The following CILK1 variants were observed in gnomAD, a reference collection of about 807,000 sequenced individuals.
The protein encoded by CILK1 is serine/threonine-protein kinase ICK.
Under a neutral mutation model 79.2 loss-of-function variants are expected in CILK1, and 47 were observed. That is an observed-to-expected ratio of 0.59 (90% CI 0.47 to 0.76). CILK1 has a LOEUF of 0.76. Ranked by LOEUF, CILK1 falls within the 30% of genes least tolerant of loss-of-function variation. The pLI, the probability that CILK1 is intolerant of heterozygous loss-of-function variation, is 0.00. For missense variants in CILK1, 660 were observed against 769.5 expected (o/e 0.86, Z 1.68); for synonymous variants, 266 against 275.9 (o/e 0.96, Z 0.36).
At chr6:53,057,837 CAT>C (rs1365898839) in intron 1 of CILK1, 1 of 152,088 alleles carries the variant, frequency 6.6e-6, no homozygotes, top group East Asian at 1.9e-4. Context: ...GAGTATAATA[CAT>C]GTTTTATAGC....
In CILK1 at chr6:53,012,167, A is replaced by C. The variant is rs767290561; in HGVS notation, c.1213T>G (p.Trp405Gly). 6.2e-7 allele frequency: 1 copy of C among 1,613,990 alleles called. No individual in the cohort carries two copies. Among genetic ancestry groups the C allele is most frequent in the South Asian group, 1.1e-5 (1 of 91,072 alleles). ...TTTGTTGACCTGGAAATAAGACCCC[A>C]CCTTCTCCTACTCTTTGGCTTTATC... ...GEIKPKSRRR[W>G]GLISRSTKDS... Residue 405 changes from tryptophan to glycine, a missense_variant, in exon 10 of 14, where the codon TGG becomes GGG. Physicochemically the swap from Trp to Gly is radical, Grantham distance 184. Coordinates refer to ENST00000676107, the MANE Select transcript of CILK1 (RefSeq NM_014920.5).
At chr6:53,014,175 C>T (rs769758610) in intron 8 of CILK1, among the ~76,000 whole-genome samples, 193 bp from the exon 9 acceptor site, 9 of 152,106 alleles carry the variant, frequency 5.9e-5, no homozygotes, top group Non-Finnish European at 1.2e-4. Context: ...GTAATGATTG[C>T]AACACAAAGT....
chr6:53,049,558 CAT>C (rs1385659055), intron 1 of CILK1, among the ~76,000 whole-genome samples: 2 of 152,206 alleles, frequency 1.3e-5, no homozygotes, highest in Admixed American at 1.3e-4. Flanking sequence ...GCAATCCAGT[CAT>C]GTGCCTGTAA....
intron 2 of CILK1, 133 bp downstream of exon 2, chr6:53,041,003 A>C: frequency 1.4e-6 from 1 of 732,532 alleles, no homozygotes; most frequent in African/African-American, 1.7e-5. Flanking sequence ...GTCAATAATC[A>C]TCTAACCCAC....
intron 2 of CILK1, among the ~76,000 whole-genome samples, chr6:53,040,302 G>A (rs937139822): frequency 1.3e-5 from 2 of 152,208 alleles, no homozygotes; most frequent in African/African-American, 4.8e-5. Context: ...ATTTACAAAA[G>A]CAAGATATGA....
At position 53,061,598 on chromosome 6, in the gene CILK1, G is replaced by A. The variant is rs556981314; in HGVS notation, c.-175C>T. On this transcript the variant is annotated splice_region_variant and 5_prime_UTR_variant, in exon 1 of 14. Coordinates refer to ENST00000676107, the MANE Select transcript of CILK1 (RefSeq NM_014920.5). ...CTAAATCCCGGAGCCCCACTTACTG[G>A]CGCCGCGAACGCAGGCGGGGGCCCG... 6.6e-6 allele frequency: 1 copy of A among 152,338 alleles called. No individual in the cohort carries two copies. Among genetic ancestry groups the A allele is most frequent in the African/African-American group, 2.4e-5 (1 of 41,474 alleles). The allele number at this position is 152,338 out of a possible 1,614,324, so 9.4% of individuals were successfully genotyped here.
chr6:53,056,525 A>C (rs1449966843), intron 1 of CILK1, among the ~76,000 whole-genome samples: 1 of 152,230 alleles, frequency 6.6e-6, no homozygotes, highest in African/African-American at 2.4e-5. Flanking sequence ...ATAGTTTGTC[A>C]AGCCCTGAAG....
chr6:53,037,907 C>G, intron 3 of CILK1, 32 bp downstream of exon 3: 1 of 1,230,218 alleles, frequency 8.1e-7, no homozygotes, highest in Non-Finnish European at 1.2e-6. Context: ...TTTAATCATC[C>G]ATAAATTATT....
rs763750695 is a variant in CILK1, at chr6:53,005,275, A to G, written c.1773T>C (p.Pro591=). 2 of 1,614,192 alleles carry G rather than the reference A, an allele frequency of 1.2e-6. No homozygotes were observed. The highest frequency in any genetic ancestry group is 1.7e-6 in the Non-Finnish European group (2 of 1,180,020). ...TGTGGAAGAATGGTCGCCCAGGATG[A>G]GGTCTCATGGCCTTCAGGGAGGAAT... ...PGYSSLKAMR[P]HPGRPFFHTQ... Residue 591 remains proline (P), a synonymous_variant, in exon 14 of 14, where the codon CCT becomes CCC. Coordinates refer to ENST00000676107, the MANE Select transcript of CILK1 (RefSeq NM_014920.5).
intron 2 of CILK1, among the ~76,000 whole-genome samples, chr6:53,038,908 A>G (rs1766524851): frequency 6.6e-6 from 1 of 152,242 alleles, no homozygotes; most frequent in African/African-American, 2.4e-5. Flanking sequence ...TTTCAAGGTT[A>G]TATTTTTCAG....
At chr6:53,024,714 G>A (rs1765460226) in intron 5 of CILK1, among the ~76,000 whole-genome samples, 1 of 152,032 alleles carries the variant, frequency 6.6e-6, no homozygotes, top group South Asian at 2.1e-4. Flanking sequence ...CCACAGATGG[G>A]AAAACTGAAT....
intron 1 of CILK1, among the ~76,000 whole-genome samples, chr6:53,056,318 C>G (rs970338929): frequency 6.6e-6 from 1 of 152,082 alleles, no homozygotes; most frequent in African/African-American, 2.4e-5. Context: ...TAAAATAGGG[C>G]AGGGATAAGC....
intron 5 of CILK1, among the ~76,000 whole-genome samples, chr6:53,023,420 A>G (rs2127426773): frequency 6.6e-6 from 1 of 152,310 alleles, no homozygotes; most frequent in East Asian, 1.9e-4. Context: ...TGAGCCAAGC[A>G]CCAGGGTCAA....
chr6:53,008,810 T>G (rs1285435073), intron 12 of CILK1, among the ~76,000 whole-genome samples: 1 of 152,150 alleles, frequency 6.6e-6, no homozygotes, highest in Admixed American at 6.5e-5. Flanking sequence ...TTCCTTAAAT[T>G]AAACAAACAC....
intron 1 of CILK1, among the ~76,000 whole-genome samples, chr6:53,053,607 T>G (rs570527428): frequency 6.6e-6 from 1 of 152,240 alleles, no homozygotes; most frequent in Non-Finnish European, 1.5e-5. Flanking sequence ...CCAGGCTGAC[T>G]GTACCAAACT....
At chr6:53,016,687 T>C (rs988371232) in intron 7 of CILK1, among the ~76,000 whole-genome samples, 3 of 152,226 alleles carry the variant, frequency 2.0e-5, no homozygotes, top group Non-Finnish European at 4.4e-5. Context: ...TTCAACTTGG[T>C]GATTGAAAGT....
At chr6:53,018,117 A>T (rs571823614) in intron 7 of CILK1, among the ~76,000 whole-genome samples, 1 of 152,320 alleles carries the variant, frequency 6.6e-6, no homozygotes, top group African/African-American at 2.4e-5. Flanking sequence ...AGAGGAAGGC[A>T]GAAGGAGCCA....
rs775331684 is a variant in CILK1, at chr6:53,009,427, A to T, written c.1621+12T>A. Reference sequence around the variant, plus strand: ...GCTTTTTGCCATTTAGGGGTTAATGATCATTACTCACCTGAATTTACTTTG... The same window carrying T: ...GCTTTTTGCCATTTAGGGGTTAATGTTCATTACTCACCTGAATTTACTTTG... On this transcript the variant is annotated intron_variant, in intron 12 of 13. Transcript: ENST00000676107. The T allele has an allele frequency of 6.2e-7, 1 of 1,613,926 alleles. No homozygotes were observed. Among genetic ancestry groups the T allele is most frequent in the Non-Finnish European group, 8.5e-7 (1 of 1,179,814 alleles).
intron 1 of CILK1, among the ~76,000 whole-genome samples, chr6:53,058,566 G>A (rs1466900685): frequency 6.6e-6 from 1 of 151,978 alleles, no homozygotes; most frequent in Admixed American, 6.6e-5. Flanking sequence ...CTCTGTTTGC[G>A]CATTCTCCCT....
Sources: allele counts gnomAD v4.1 joint callset (sites outside exome capture counted in the v4.1 genomes callset), GRCh38; gene constraint gnomAD v4.1.1; transcripts MANE v1.5; gene names NCBI Gene and HGNC (gene_info 2026-07-23, HGNC 2026-07-21).